Variants in CFAP96 observed in about 807,000 individuals in gnomAD.
The protein encoded by CFAP96 is cilia-and flagella-associated protein 96.
the CFAP96 span, among the ~76,000 whole-genome samples, chr4:185,421,534 T>G: frequency 6.6e-6 from 1 of 152,134 alleles, no homozygotes; most frequent in African/African-American, 2.4e-5. Flanking sequence ...TCTCTTTTGC[T>G]CCTTCTTTTG....
At chr4:185,429,791 C>A in the CFAP96 span, among the ~76,000 whole-genome samples, 1 of 152,082 alleles carries the variant, frequency 6.6e-6, no homozygotes, top group Non-Finnish European at 1.5e-5. Flanking sequence ...CATCTTCAGC[C>A]TCCTGAGTCT....
chr4:185,435,647 C>T, the CFAP96 span, among the ~76,000 whole-genome samples: 2 of 152,118 alleles, frequency 1.3e-5, no homozygotes, highest in East Asian at 3.8e-4. Flanking sequence ...GTAGTGGAAA[C>T]AGCAGTCTTA....
At chr4:185,426,787 T>A in the CFAP96 span, among the ~76,000 whole-genome samples, 1 of 148,304 alleles carries the variant, frequency 6.7e-6, no homozygotes, top group Non-Finnish European at 1.5e-5. Context: ...ATCCCAGCAC[T>A]TTGGGAGGCC....
chr4:185,446,370 G>T, the CFAP96 span, among the ~76,000 whole-genome samples: 1 of 152,148 alleles, frequency 6.6e-6, no homozygotes, highest in Admixed American at 6.5e-5. Context: ...AATTTGGGGT[G>T]CTCTAACTTA....
chr4:185,431,654 G>T, the CFAP96 span, among the ~76,000 whole-genome samples: 2 of 152,114 alleles, frequency 1.3e-5, no homozygotes, highest in African/African-American at 2.4e-5. Flanking sequence ...TGACCTACGC[G>T]CACACCCTTA....
chr4:185,440,618 G>A, the CFAP96 span: 42 of 1,533,074 alleles, frequency 2.7e-5, 1 homozygote, highest in African/African-American at 2.4e-4. Context: ...CTATTTTGAC[G>A]CTAATCCTTA....
At chr4:185,421,735 C>T in the CFAP96 span, among the ~76,000 whole-genome samples, 1 of 152,210 alleles carries the variant, frequency 6.6e-6, no homozygotes, top group Non-Finnish European at 1.5e-5. Flanking sequence ...TAATACAGTA[C>T]TTTTAATTCC....
chr4:185,441,409 G>C, the CFAP96 span, among the ~76,000 whole-genome samples: 1 of 150,954 alleles, frequency 6.6e-6, no homozygotes, highest in Non-Finnish European at 1.5e-5. Context: ...CATATATTAA[G>C]GGTACTAGTC....
At chr4:185,409,849 G>A in the CFAP96 span, among the ~76,000 whole-genome samples, 3 of 152,172 alleles carry the variant, frequency 2.0e-5, no homozygotes, top group African/African-American at 7.2e-5. Flanking sequence ...ATGTGACTGA[G>A]GAGGCAGAGA....
chr4:185,422,544 T>C, the CFAP96 span: 1 of 1,608,390 alleles, frequency 6.2e-7, no homozygotes, highest in Non-Finnish European at 8.5e-7. Context: ...GAAGAGTATA[T>C]CCATACTTTC....
chr4:185,425,337 A>G, the CFAP96 span, among the ~76,000 whole-genome samples: 1 of 152,048 alleles, frequency 6.6e-6, no homozygotes, highest in Non-Finnish European at 1.5e-5. Flanking sequence ...ATCCAAGTGG[A>G]GGCACGGTTA....
At chr4:185,445,100 T>G in the CFAP96 span, 1 of 1,551,646 alleles carries the variant, frequency 6.4e-7, no homozygotes, top group African/African-American at 1.4e-5. Flanking sequence ...AGCAGACCAG[T>G]TGAAAGTATA....
the CFAP96 span, chr4:185,415,772 A>G: frequency 1.2e-6 from 2 of 1,613,854 alleles, no homozygotes; most frequent in Non-Finnish European, 1.7e-6. Flanking sequence ...TCATATTAAC[A>G]TAATGGTGTC....
the CFAP96 span, among the ~76,000 whole-genome samples, chr4:185,447,845 A>G: frequency 6.6e-6 from 1 of 152,348 alleles, no homozygotes; most frequent in African/African-American, 2.4e-5. Context: ...AAGCTAAACT[A>G]TGCAATTAAT....
chr4:185,422,201 C>T, the CFAP96 span, among the ~76,000 whole-genome samples: 20 of 152,322 alleles, frequency 1.3e-4, no homozygotes, highest in South Asian at 3.7e-3. Flanking sequence ...ACATTTACAA[C>T]GTGCTCATTG....
the CFAP96 span, chr4:185,429,636 T>C: frequency 1.2e-5 from 7 of 604,472 alleles, no homozygotes; most frequent in South Asian, 1.5e-4. Flanking sequence ...TTCTAAAGTT[T>C]GTTAACGTGT....
At chr4:185,427,442 G>A in the CFAP96 span, among the ~76,000 whole-genome samples, 1 of 152,160 alleles carries the variant, frequency 6.6e-6, no homozygotes, top group Non-Finnish European at 1.5e-5. Context: ...CTTGCAGAGA[G>A]GCACTCAAAC....
At chr4:185,446,000 C>G in the CFAP96 span, among the ~76,000 whole-genome samples, 1 of 152,116 alleles carries the variant, frequency 6.6e-6, no homozygotes, top group Non-Finnish European at 1.5e-5. Context: ...CAACACCACA[C>G]CCGGCTAATT....
At chr4:185,424,688 G>A in the CFAP96 span, among the ~76,000 whole-genome samples, 3 of 152,158 alleles carry the variant, frequency 2.0e-5, no homozygotes, top group Non-Finnish European at 4.4e-5. Flanking sequence ...AAACTAGTAT[G>A]TACCCATTTA....
Sources: allele counts gnomAD v4.1 joint callset (sites outside exome capture counted in the v4.1 genomes callset), GRCh38; gene constraint gnomAD v4.1.1; transcripts MANE v1.5; gene names NCBI Gene and HGNC (gene_info 2026-07-23, HGNC 2026-07-21).